Variants in DAB1 observed in about 807,000 individuals in gnomAD.
The protein encoded by DAB1 is disabled homolog 1.
A neutral mutation model predicts 64.6 loss-of-function variants in DAB1; 15 were observed. That is an observed-to-expected ratio of 0.23 (90% CI 0.16 to 0.36). The LOEUF (loss-of-function observed/expected upper bound fraction) is 0.36, where lower values mean the gene tolerates loss of function less well. Ranked by LOEUF, DAB1 falls within the 10% of genes least tolerant of loss-of-function variation. DAB1 has a pLI of 1.00. For synonymous variants in DAB1, 235 were observed against 251.9 expected, an observed-to-expected ratio of 0.93 and a Z score of 0.64; for missense variants, 596 against 706.7, an observed-to-expected ratio of 0.84 and a Z score of 1.78.
intron 4 of DAB1, among the ~76,000 whole-genome samples, chr1:58,242,100 G>C (rs558894046): frequency 2.0e-4 from 30 of 152,056 alleles, no homozygotes; most frequent in African/African-American, 7.2e-4. Flanking sequence ...AAAAATCCAT[G>C]GTATACTTGT....
chr1:57,870,882 A>T (rs955087327), intron 1 of DAB1, among the ~76,000 whole-genome samples: 8 of 152,170 alleles, frequency 5.3e-5, no homozygotes, highest in Non-Finnish European at 1.0e-4. Flanking sequence ...AAAGAGGGTG[A>T]TCCTGATAAA....
chr1:57,479,980 C>T (rs1339453799), intron 7 of DAB1, among the ~76,000 whole-genome samples: 1 of 151,588 alleles, frequency 6.6e-6, no homozygotes, highest in Non-Finnish European at 1.5e-5. Context: ...GGTGAAACCC[C>T]GTCTCTACTA....
chr1:57,823,953 T>A (rs1652235914), downstream of DAB1, among the ~76,000 whole-genome samples: 1 of 152,224 alleles, frequency 6.6e-6, no homozygotes, highest in African/African-American at 2.4e-5. Flanking sequence ...TTCTACCACA[T>A]CATGCTGTCC....
At chr1:57,483,658 C>T (rs1570562529) in intron 7 of DAB1, among the ~76,000 whole-genome samples, 1 of 151,976 alleles carries the variant, frequency 6.6e-6, no homozygotes, top group Non-Finnish European at 1.5e-5. Context: ...GTTGCCCAGG[C>T]TGGAGTGCAG....
At chr1:57,505,433 T>G (rs1644332981) in intron 7 of DAB1, among the ~76,000 whole-genome samples, 1 of 152,168 alleles carries the variant, frequency 6.6e-6, no homozygotes. Flanking sequence ...TTCAAAATTC[T>G]TGAGCATGTG....
At chr1:58,262,964 A>G (rs1433127848) in intron 4 of DAB1, among the ~76,000 whole-genome samples, 1 of 152,174 alleles carries the variant, frequency 6.6e-6, no homozygotes, top group African/African-American at 2.4e-5. Flanking sequence ...TCAGCAGCCA[A>G]CCTATGATGA....
At chr1:57,259,512 A>G (rs1286261175) in intron 2 of DAB1, among the ~76,000 whole-genome samples, 1 of 152,144 alleles carries the variant, frequency 6.6e-6, no homozygotes, top group East Asian at 1.9e-4. Flanking sequence ...AGACTGGGTG[A>G]ACCACATGTG....
intron 5 of DAB1, among the ~76,000 whole-genome samples, chr1:57,988,334 G>A (rs113460718): frequency 0.018 from 2,716 of 152,306 alleles, 47 homozygotes; most frequent in Middle Eastern, 0.044. Flanking sequence ...CACTCACTCT[G>A]TGGCTGTGTC....
At chr1:58,113,829 A>AGATTTG (rs1302277975) in intron 5 of DAB1, among the ~76,000 whole-genome samples, 1 of 152,192 alleles carries the variant, frequency 6.6e-6, no homozygotes, top group African/African-American at 2.4e-5. Context: ...TGGAGCTCAC[A>AGATTTG]AAGCACTTTC....
At chr1:57,671,011 A>C (rs897294512) in intron 6 of DAB1, among the ~76,000 whole-genome samples, 1 of 152,180 alleles carries the variant, frequency 6.6e-6, no homozygotes, top group African/African-American at 2.4e-5. Flanking sequence ...CAATGCCTAC[A>C]TGTCACTTCA....
intron 4 of DAB1, among the ~76,000 whole-genome samples, chr1:57,089,381 G>A (rs1653413512): frequency 6.6e-6 from 1 of 152,168 alleles, no homozygotes; most frequent in Non-Finnish European, 1.5e-5. Context: ...ATAACAAAAA[G>A]ATACGTAATT....
At chr1:57,438,973 C>T (rs1032288130) in intron 7 of DAB1, among the ~76,000 whole-genome samples, 2 of 152,308 alleles carry the variant, frequency 1.3e-5, no homozygotes, top group Non-Finnish European at 2.9e-5. Context: ...GTTGACTCCA[C>T]TCTCAGCTCT....
At chr1:57,431,289 T>C (rs1359295980) in intron 7 of DAB1, among the ~76,000 whole-genome samples, 2 of 151,720 alleles carry the variant, frequency 1.3e-5, no homozygotes, top group African/African-American at 4.9e-5. Context: ...CAATCAGAAT[T>C]TTGAAATTTA....
chr1:57,601,718 G>A (rs1395700752), intron 7 of DAB1, among the ~76,000 whole-genome samples: 1 of 152,194 alleles, frequency 6.6e-6, no homozygotes, highest in Non-Finnish European at 1.5e-5. Context: ...TAGGACTGAT[G>A]ACTCACCATG....
intron 4 of DAB1, among the ~76,000 whole-genome samples, chr1:58,220,763 A>G (rs1659117771): frequency 6.6e-6 from 1 of 152,144 alleles, no homozygotes; most frequent in African/African-American, 2.4e-5. Context: ...ATTCAATAAA[A>G]TAAGACATAA....
intron 9 of DAB1, among the ~76,000 whole-genome samples, chr1:57,045,268 A>G (rs1287237962): frequency 6.6e-6 from 1 of 152,210 alleles, no homozygotes; most frequent in East Asian, 1.9e-4. Context: ...TTGGAGGACC[A>G]TGGCCAGATC....
chr1:57,949,006 C>A (rs1195090869), intron 5 of DAB1, among the ~76,000 whole-genome samples: 2 of 152,176 alleles, frequency 1.3e-5, no homozygotes, highest in Non-Finnish European at 2.9e-5. Flanking sequence ...CATGCACTCA[C>A]CAGCAATCTA....
chr1:58,230,458 ACCTGAC>A (rs1659723361), intron 4 of DAB1, among the ~76,000 whole-genome samples: 1 of 152,142 alleles, frequency 6.6e-6, no homozygotes, highest in Non-Finnish European at 1.5e-5. Flanking sequence ...AAAATTGCAG[ACCTGAC>A]CCTGCCTTCC....
At chr1:57,293,677 T>C (rs1278610543) in intron 1 of DAB1, among the ~76,000 whole-genome samples, 1 of 152,170 alleles carries the variant, frequency 6.6e-6, no homozygotes, top group Non-Finnish European at 1.5e-5. Context: ...TTGTAGGAAA[T>C]GGTATCATGT....
Sources: gnomAD v4.1 joint callset for allele counts (sites outside exome capture counted in the v4.1 genomes callset) on GRCh38, gnomAD v4.1.1 for gene constraint, MANE v1.5 for transcripts, NCBI Gene and HGNC (gene_info 2026-07-23, HGNC 2026-07-21) for gene names.